Variants in ADGRB3 observed in about 807,000 individuals in gnomAD.
The protein encoded by ADGRB3 is adhesion G protein-coupled receptor B3, also known as brain-specific angiogenesis inhibitor 3.
A neutral mutation model predicts 193.4 loss-of-function variants in ADGRB3; 37 were observed. The ratio of observed to expected loss-of-function variants is 0.19; its 90% CI spans 0.15 to 0.25. The LOEUF (loss-of-function observed/expected upper bound fraction) is 0.25. Ranked by LOEUF, ADGRB3 falls within the 10% of genes least tolerant of loss-of-function variation. The pLI is 1.00. For synonymous variants in ADGRB3, 690 were observed against 644.2 expected (o/e 1.07, Z -1.08); for missense variants, 1,637 against 1,852.9 (o/e 0.88, Z 2.14).
chr6:68,940,916 T>C (rs1767625266), intron 5 of ADGRB3, among the ~76,000 whole-genome samples: 1 of 152,056 alleles, frequency 6.6e-6, no homozygotes, highest in South Asian at 2.1e-4. Flanking sequence ...AATGAAACCT[T>C]TCACTTATTT....
chr6:68,793,337 C>T (rs1767145290), intron 3 of ADGRB3, among the ~76,000 whole-genome samples: 1 of 152,050 alleles, frequency 6.6e-6, no homozygotes, highest in Non-Finnish European at 1.5e-5. Context: ...CAATGCTTTA[C>T]CAAGTAATGC....
intron 28 of ADGRB3, among the ~76,000 whole-genome samples, chr6:69,360,398 T>TA (rs1333416967): frequency 1.1e-4 from 17 of 151,962 alleles, no homozygotes; most frequent in African/African-American, 3.9e-4. Context: ...AAGTTCCCAT[T>TA]AATTATCCCT....
At chr6:69,160,696 C>T (rs986818429) in intron 17 of ADGRB3, among the ~76,000 whole-genome samples, 12 of 151,992 alleles carry the variant, frequency 7.9e-5, no homozygotes, top group African/African-American at 2.2e-4. Context: ...GGTTTGTTTG[C>T]TTTTCCTTCC....
intron 17 of ADGRB3, among the ~76,000 whole-genome samples, chr6:69,084,669 T>C (rs761306503): frequency 3.6e-4 from 55 of 152,190 alleles, no homozygotes; most frequent in Admixed American, 7.9e-4. Context: ...TTTGAGGTTA[T>C]GAAATTGAAA....
chr6:68,715,691 A>T (rs1418503305), intron 3 of ADGRB3, among the ~76,000 whole-genome samples: 1 of 151,822 alleles, frequency 6.6e-6, no homozygotes, highest in Non-Finnish European at 1.5e-5. Context: ...TCATTCCATT[A>T]GTTGCTTTAC....
chr6:68,723,682 G>A (rs1765624213), intron 3 of ADGRB3, among the ~76,000 whole-genome samples: 1 of 151,618 alleles, frequency 6.6e-6, no homozygotes, highest in Admixed American at 6.6e-5. Flanking sequence ...GATAGAATAC[G>A]ACGTATAGTT....
chr6:68,888,538 T>TACAC (rs1288518139), intron 3 of ADGRB3, among the ~76,000 whole-genome samples: 1 of 101,374 alleles, frequency 9.9e-6, no homozygotes, highest in South Asian at 2.9e-4. Context: ...TTTTGGGTAA[T>TACAC]AGATACACAC....
intron 20 of ADGRB3, among the ~76,000 whole-genome samples, chr6:69,244,180 C>T (rs1274945372): frequency 6.6e-6 from 1 of 151,792 alleles, no homozygotes; most frequent in Non-Finnish European, 1.5e-5. Flanking sequence ...CAAAAATTCT[C>T]TGTCTTAAAG....
intron 17 of ADGRB3, among the ~76,000 whole-genome samples, chr6:69,077,133 C>T (rs1305017444): frequency 6.6e-6 from 1 of 151,926 alleles, no homozygotes; most frequent in Non-Finnish European, 1.5e-5. Flanking sequence ...CAGAGAATTC[C>T]AACTTGCCCT....
chr6:68,959,804 T>C (rs184553048), intron 8 of ADGRB3, among the ~76,000 whole-genome samples: 1 of 152,276 alleles, frequency 6.6e-6, no homozygotes, highest in Admixed American at 6.5e-5. Context: ...GGCTATAGAA[T>C]AGCTACAGGG....
At chr6:69,212,222 TG>T (rs1490337114) in intron 17 of ADGRB3, among the ~76,000 whole-genome samples, 1 of 152,224 alleles carries the variant, frequency 6.6e-6, no homozygotes, top group Non-Finnish European at 1.5e-5. Context: ...ACGTGTTTTA[TG>T]ATGGCCTTTT....
At chr6:69,007,703 A>T (rs918361741) in intron 11 of ADGRB3, among the ~76,000 whole-genome samples, 2,632 of 148,226 alleles carry the variant, frequency 0.018, 54 homozygotes, top group African/African-American at 0.064. Flanking sequence ...TCACACACAC[A>T]CACACACACA....
rs188418165 is a variant in ADGRB3 at position 68,793,573 on chromosome 6, G to A, written c.758-136986G>A. 2.8e-3 allele frequency among the ~76,000 whole-genome samples: 432 copies of A among 152,126 alleles called. 1 individual carries two copies. Among genetic ancestry groups the A allele is most frequent in the Non-Finnish European group, 4.6e-3 (315 of 68,002 alleles). On this transcript the variant is annotated intron_variant, in intron 3 of 31. Transcript: ENST00000370598. ...AAGACGAGTCTCACTTTGTCACCTA[G>A]GCTAGAGTGCAGTGGCACGATCTCA...
At chr6:69,248,806 G>A (rs1766551765) in intron 20 of ADGRB3, among the ~76,000 whole-genome samples, 3 of 152,156 alleles carry the variant, frequency 2.0e-5, no homozygotes, top group Admixed American at 2.0e-4. Flanking sequence ...GTAAGGTGAG[G>A]CCAGCCTATT....
chr6:69,096,363 G>GTTTTTTTTTTTTTTTGT (rs1772875871), intron 17 of ADGRB3, among the ~76,000 whole-genome samples: 1 of 132,622 alleles, frequency 7.5e-6, no homozygotes. Context: ...ATTGTTTTGG[G>GTTTTTTTTTTTTTTTGT]TTTTTTTTTT....
chr6:68,908,501 C>A (rs1265600881), intron 3 of ADGRB3, among the ~76,000 whole-genome samples: 4 of 152,108 alleles, frequency 2.6e-5, no homozygotes, highest in Admixed American at 2.0e-4. Flanking sequence ...AGTGGGCTTT[C>A]TCCAAAAGCA....
At position 68,980,846 on chromosome 6, in the gene ADGRB3, G is replaced by T. The variant is rs143335907; in HGVS notation, c.1734+5506G>T. 1.3e-3 allele frequency among the ~76,000 whole-genome samples: 198 copies of T among 151,442 alleles called. 8 individuals carry two copies. The highest frequency in any genetic ancestry group is 2.2e-3 in the Non-Finnish European group (147 of 67,652). On this transcript the variant is annotated intron_variant, in intron 10 of 31. Transcript: ENST00000370598. ...ACGTGACAAGTCATGGAAAAGCAGG[G>T]AGCACCTAAATCAGTAGTTCTTAAT...
intron 4 of ADGRB3, among the ~76,000 whole-genome samples, chr6:68,934,098 G>GA (rs1181140697): frequency 2.0e-5 from 3 of 152,036 alleles, no homozygotes; most frequent in Non-Finnish European, 2.9e-5. Context: ...TGGCAGCAGG[G>GA]AAAAAAGAAG....
intron 3 of ADGRB3, among the ~76,000 whole-genome samples, chr6:68,655,902 A>C (rs545156588): frequency 5.0e-4 from 76 of 151,592 alleles, no homozygotes; most frequent in Non-Finnish European, 1.0e-3. Flanking sequence ...GTTCCTTTGG[A>C]CTAGTCCTTT....
Sources: allele counts gnomAD v4.1 joint callset (sites outside exome capture counted in the v4.1 genomes callset), GRCh38; gene constraint gnomAD v4.1.1; transcripts MANE v1.5; gene names NCBI Gene and HGNC (gene_info 2026-07-23, HGNC 2026-07-21).